A2M: variants seen among roughly 807,000 people sequenced by gnomAD.
A2M encodes the protein C3 and PZP-like alpha-2-macroglobulin domain-containing protein 5.
A2M carries 128 observed loss-of-function variants against 183.9 expected under a neutral mutation model. The ratio of observed to expected loss-of-function variants is 0.70; its 90% CI spans 0.60 to 0.81. The LOEUF (loss-of-function observed/expected upper bound fraction) is 0.81. Ranked by LOEUF, A2M falls within the 30% of genes least tolerant of loss-of-function variation. A2M has a pLI of 0.00. For synonymous variants in A2M, 592 were observed against 670.8 expected (o/e 0.88, Z 1.81); for missense variants, 1,495 against 1,787.6 (o/e 0.84, Z 2.95).
chr12:9,086,328 G>T (rs1277247133), intron 22 of A2M, among the ~76,000 whole-genome samples: 1 of 152,170 alleles, frequency 6.6e-6, no homozygotes. Flanking sequence ...AGGAGTTCAA[G>T]TCCAGCCTGG....
chr12:9,085,396 A>T (rs938541371), intron 22 of A2M, among the ~76,000 whole-genome samples: 4 of 152,292 alleles, frequency 2.6e-5, no homozygotes, highest in African/African-American at 9.6e-5. Context: ...AAATTAAATG[A>T]CATGCTCCTG....
Position 9,070,907 on chromosome 12 carries a change from G to A in A2M, c.4104-329C>T, listed in dbSNP as rs770649636. 4.0e-5 allele frequency among the ~76,000 whole-genome samples: 6 copies of A among 151,268 alleles called. No homozygotes were observed. The East Asian group carries it at 5.8e-4, about 15-fold the overall frequency. ...ATGATTTCGGCTCACCGCAACCTCC[G>A]CCTCCTGGGTTCAAGTGATTCTCCT... On this transcript the variant is annotated intron_variant, in intron 31 of 35. Transcript: ENST00000318602.
intron 28 of A2M, among the ~76,000 whole-genome samples, chr12:9,075,602 GACAA>G (rs1046219960): frequency 3.3e-5 from 5 of 152,174 alleles, no homozygotes; most frequent in African/African-American, 4.8e-5. Flanking sequence ...ATAAAAAGCA[GACAA>G]ACAAAAAACT....
chr12:9,109,937 G>C lies in A2M; in HGVS notation c.603C>G (p.Gly201=). The change falls in exon 6 of 36, where the codon GGC becomes GGG. Residue 201 remains glycine, a synonymous_variant. Transcript: ENST00000318602. ...TCTTCTGTACCACCACCTTGTAGGA[G>C]CCCTGGAAGGGCTCTGATGAGAGGG... ...SFPLSSEPFQ[G]SYKVVVQKKS... is the part of the protein sequence containing the mutation. 1 of 1,614,006 alleles carries C rather than the reference G, an allele frequency of 6.2e-7. No individual in the cohort carries two copies. Among genetic ancestry groups the C allele is most frequent in the East Asian group, 2.2e-5 (1 of 44,874 alleles).
Position 9,091,220 on chromosome 12 carries a change from T to C in A2M, c.2450A>G (p.Tyr817Cys), listed in dbSNP as rs1452104184. ...CCTTACCCGGATGCATTTGGGAAGG[T>C]AGTTTAGGACCGTGGCCTTGAGTGT... ...AFTLKATVLNYLPKCIRVSVQ... is the reference protein window; with the variant it reads ...AFTLKATVLNCLPKCIRVSVQ... Residue 817 changes from tyrosine to cysteine, a missense_variant, in exon 19 of 36, where the codon TAC (tyrosine) becomes TGC (cysteine). Transcript: ENST00000318602. 2 of 1,614,110 alleles carry C rather than the reference T, an allele frequency of 1.2e-6. No homozygotes were observed. Among genetic ancestry groups the C allele is most frequent in the Admixed American group, 1.7e-5 (1 of 60,016 alleles).
At chr12:9,067,886 T>G in intron 35 of A2M, 47 bp from the exon 36 acceptor site, 1 of 1,576,694 alleles carries the variant, frequency 6.3e-7, no homozygotes, top group Non-Finnish European at 8.7e-7. Context: ...TGGGTCTCCA[T>G]GAGCAGAGAG....
intron 32 of A2M, 101 bp from the exon 33 acceptor site, chr12:9,069,914 A>G (rs1948515520): frequency 5.3e-6 from 5 of 940,482 alleles, no homozygotes; most frequent in East Asian, 2.4e-5. Flanking sequence ...CTGAGGGTAG[A>G]ATTCTTCAAA....
At chr12:9,108,350 T>C (rs908798121) in intron 7 of A2M, among the ~76,000 whole-genome samples, 4 of 152,084 alleles carry the variant, frequency 2.6e-5, no homozygotes, top group African/African-American at 9.7e-5. Flanking sequence ...ATGGTCTTGA[T>C]CTCCTGACCT....
intron 28 of A2M, among the ~76,000 whole-genome samples, chr12:9,076,055 T>G (rs745600637): frequency 1.3e-5 from 2 of 152,228 alleles, no homozygotes; most frequent in Non-Finnish European, 2.9e-5. Flanking sequence ...CCATGGTATA[T>G]GTAGAAGTAC....
At position 9,113,315 on chromosome 12, in the gene A2M, C is replaced by T. The variant is rs773846714; in HGVS notation, c.270+45G>A. 9 of 1,598,294 alleles carry T rather than the reference C, an allele frequency of 5.6e-6. No homozygotes were observed. In the East Asian group the frequency reaches 1.8e-4, roughly 32 times the overall value. ...GACAGAATACTAGATCCCTATGACC[C>T]TGACTAAAAGAACCAAGTATATTAA... On this transcript the variant is annotated intron_variant, in intron 2 of 35. Coordinates refer to ENST00000318602, the MANE Select transcript of A2M (RefSeq NM_000014.6).
At chr12:9,091,165 G>T in intron 19 of A2M, 36 bp downstream of exon 19, 1 of 1,595,142 alleles carries the variant, frequency 6.3e-7, no homozygotes. Flanking sequence ...TTACTTGATG[G>T]CTACCTTGTA....
intron 22 of A2M, 30 bp downstream of exon 22, chr12:9,089,170 G>GA: frequency 1.3e-6 from 2 of 1,515,348 alleles, no homozygotes; most frequent in Non-Finnish European, 1.8e-6. Flanking sequence ...AGACTTTAAT[G>GA]TTTTTTAAAT....
In A2M at chr12:9,089,339, T is replaced by C. The variant is rs1000493616; in HGVS notation, c.2719-88A>G. The C allele has an allele frequency of 3.1e-6, 3 of 958,472 alleles. No homozygotes were observed. In the African/African-American group the frequency reaches 4.9e-5, roughly 16 times the overall value. The allele number at this position is 958,472 out of a possible 1,614,324, so 59.4% of individuals were successfully genotyped here. A position where few individuals can be genotyped will look rare whatever the true frequency, so the allele number is the denominator to read the frequency against. On this transcript the variant is annotated intron_variant, in intron 21 of 35. Coordinates refer to ENST00000318602, the MANE Select transcript of A2M (RefSeq NM_000014.6). ...GGAGGGACCACAGATATTTGGATAG[T>C]GAAGAGAAGGATTTGAACTGTATTA... is the stretch of plus-strand genomic sequence containing the variant.
intron 10 of A2M, among the ~76,000 whole-genome samples, chr12:9,105,702 A>T (rs890826665): frequency 6.6e-6 from 1 of 152,180 alleles, no homozygotes; most frequent in Non-Finnish European, 1.5e-5. Context: ...GCAGTGTTTT[A>T]CCCCATGTTC....
At chr12:9,089,684 T>A (rs774104285) in intron 21 of A2M, among the ~76,000 whole-genome samples, 1 of 152,090 alleles carries the variant, frequency 6.6e-6, no homozygotes, top group Non-Finnish European at 1.5e-5. Context: ...GAGGTTGCAG[T>A]GAGCAGAGAT....
rs190813517 is a variant in A2M at position 9,077,429 on chromosome 12, A to T, written c.3277-9T>A. On this transcript the variant is annotated splice_polypyrimidine_tract_variant and intron_variant, in intron 26 of 35. Coordinates refer to ENST00000318602, the MANE Select transcript of A2M (RefSeq NM_000014.6). ...TCATCTTCTACTCCTCCCTGTGAAT[A>T]CGAGAGAGAGATCTGAATAATTCAA... is the stretch of plus-strand genomic sequence containing the variant. The T allele has an allele frequency of 5.0e-6, 8 of 1,609,810 alleles. No individual in the cohort carries two copies. Among genetic ancestry groups the T allele is most frequent in the Non-Finnish European group, 6.8e-6 (8 of 1,177,124 alleles).
chr12:9,092,888 A>G (rs1565591360), intron 18 of A2M, among the ~76,000 whole-genome samples: 1 of 152,220 alleles, frequency 6.6e-6, no homozygotes, highest in Non-Finnish European at 1.5e-5. Flanking sequence ...TGGATAAATA[A>G]ATTGTGGCTA....
intron 22 of A2M, 140 bp from the exon 23 acceptor site, chr12:9,080,317 A>G: frequency 2.3e-6 from 1 of 438,912 alleles, no homozygotes. Flanking sequence ...TACAACAGTA[A>G]TATATAAATA....
intron 11 of A2M, among the ~76,000 whole-genome samples, chr12:9,101,957 G>T (rs1937890925): frequency 6.6e-6 from 1 of 152,104 alleles, no homozygotes; most frequent in South Asian, 2.1e-4. Context: ...AAATTTCTTT[G>T]ACTGCTTTAC....
Sources: allele counts gnomAD v4.1 joint callset (sites outside exome capture counted in the v4.1 genomes callset), GRCh38; gene constraint gnomAD v4.1.1; transcripts MANE v1.5; gene names NCBI Gene and HGNC (gene_info 2026-07-23, HGNC 2026-07-21).